ZNF423: variants seen among roughly 807,000 people sequenced by gnomAD.
ZNF423 encodes the protein zinc finger protein 423, also known as Ebf-associated zinc finger protein.
In ZNF423, 12 loss-of-function variants were observed where a neutral mutation model predicts 95.8. The ratio of observed to expected loss-of-function variants is 0.13; its 90% CI spans 0.08 to 0.20. The LOEUF is 0.20. Among genes scored for constraint, ZNF423 ranks in the 10% least tolerant of loss-of-function variants. The pLI is 1.00. For synonymous variants in ZNF423, 749 were observed against 711.9 expected, an observed-to-expected ratio of 1.05 and a Z score of -0.83; for missense variants, 1,316 against 1,737.1, an observed-to-expected ratio of 0.76 and a Z score of 4.31.
chr16:49,562,747 C>T (rs1353926431), intron 5 of ZNF423, among the ~76,000 whole-genome samples: 3 of 152,076 alleles, frequency 2.0e-5, no homozygotes, highest in Admixed American at 6.5e-5. Context: ...AAATAGCCAA[C>T]GTTCATTGGG....
chr16:49,850,515 GATATCTTCTGCAA>G (rs1319230598), intron 1 of ZNF423, among the ~76,000 whole-genome samples: 2 of 152,198 alleles, frequency 1.3e-5, no homozygotes, highest in Admixed American at 6.5e-5. Context: ...AAGGAACCCT[GATATCTTCTGCAA>G]ATGTTTTCAA....
At chr16:49,722,447 C>A (rs886614495) in intron 3 of ZNF423, among the ~76,000 whole-genome samples, 1 of 152,242 alleles carries the variant, frequency 6.6e-6, no homozygotes, top group Non-Finnish European at 1.5e-5. Context: ...GTGAAGTGAA[C>A]ACCTTCTCCA....
At chr16:49,629,859 T>C (rs950000342) in intron 4 of ZNF423, among the ~76,000 whole-genome samples, 1 of 152,222 alleles carries the variant, frequency 6.6e-6, no homozygotes, top group Admixed American at 6.5e-5. Context: ...AGCGCAGGCC[T>C]TACCTAGAGT....
rs4785357 is a variant in ZNF423, at chr16:49,799,025, G to A, written c.41-9479C>T. 9.6e-3 allele frequency among the ~76,000 whole-genome samples: 1,461 copies of A among 152,308 alleles called. 17 individuals are homozygous for A. The highest frequency in any genetic ancestry group is 0.033 in the African/African-American group (1,356 of 41,556). On this transcript the variant is annotated intron_variant, in intron 1 of 7. Coordinates refer to ENST00000563137, the MANE Select transcript of ZNF423 (RefSeq NM_001379286.1). ...AGAGCTCATCTAGCTATGGCTGTGA[G>A]GTAGAGGAGGGAACCTGGAGAGACA...
intron 5 of ZNF423, among the ~76,000 whole-genome samples, chr16:49,567,527 C>T (rs1193152731): frequency 1.3e-5 from 2 of 152,174 alleles, no homozygotes; most frequent in African/African-American, 4.8e-5. Context: ...CCTGCCATCT[C>T]GGTCGCCGTT....
At chr16:49,521,566 A>G (rs1239848006) in intron 7 of ZNF423, among the ~76,000 whole-genome samples, 1 of 152,166 alleles carries the variant, frequency 6.6e-6, no homozygotes, top group Non-Finnish European at 1.5e-5. Flanking sequence ...CAATGGGGAG[A>G]CAGCAGTGGC....
Position 49,491,160 on chromosome 16 carries a change from A to C in ZNF423, c.*115T>G. 2 of 1,253,234 alleles carry C rather than the reference A, an allele frequency of 1.6e-6. No individual in the cohort carries two copies. Among genetic ancestry groups the C allele is most frequent in the Non-Finnish European group, 2.3e-6 (2 of 854,910 alleles). 77.6% of individuals were successfully genotyped at this position (1,253,234 alleles called of 1,614,324 possible). ...AGCAGCGCCTCATGGCCAAATCATTAGAGTTTTACATCTGGGTTGCAAATG... is the reference window on the plus strand; with the variant it reads ...AGCAGCGCCTCATGGCCAAATCATTCGAGTTTTACATCTGGGTTGCAAATG... On this transcript the variant is annotated 3_prime_UTR_variant, in exon 8 of 8. Transcript: ENST00000563137.
chr16:49,640,672 T>C (rs1972944832), intron 3 of ZNF423: 1 of 146,676 alleles, frequency 6.8e-6, no homozygotes, highest in Non-Finnish European at 1.5e-5. Flanking sequence ...CCGGGATGCA[T>C]GCGGCTCTCC....
At chr16:49,733,081 G>A (rs1365623592) in intron 2 of ZNF423, among the ~76,000 whole-genome samples, 1 of 152,212 alleles carries the variant, frequency 6.6e-6, no homozygotes, top group East Asian at 1.9e-4. Flanking sequence ...CCGCTGCAGT[G>A]AGGGTAAGAA....
At chr16:49,653,906 A>C (rs1374402709) in intron 3 of ZNF423, among the ~76,000 whole-genome samples, 3 of 152,142 alleles carry the variant, frequency 2.0e-5, no homozygotes, top group Non-Finnish European at 4.4e-5. Flanking sequence ...GGGCATTGTC[A>C]TAGTGAACCA....
intron 3 of ZNF423, among the ~76,000 whole-genome samples, chr16:49,670,840 C>A (rs1045946844): frequency 6.6e-6 from 1 of 152,158 alleles, no homozygotes; most frequent in African/African-American, 2.4e-5. Flanking sequence ...CGGCTTGAGG[C>A]GAGACGTTTA....
intron 3 of ZNF423, among the ~76,000 whole-genome samples, chr16:49,647,719 G>A (rs1296925251): frequency 2.0e-5 from 3 of 152,198 alleles, no homozygotes; most frequent in African/African-American, 4.8e-5. Flanking sequence ...AAAGGAATGC[G>A]GCCCTGCCAA....
chr16:49,783,292 G>A (rs2034245376), intron 2 of ZNF423, among the ~76,000 whole-genome samples: 1 of 151,274 alleles, frequency 6.6e-6, no homozygotes, highest in Non-Finnish European at 1.5e-5. Flanking sequence ...GTTAGAGTTA[G>A]GATTAGTGCC....
intron 3 of ZNF423, among the ~76,000 whole-genome samples, chr16:49,659,129 C>T (rs1382218441): frequency 6.6e-6 from 1 of 152,204 alleles, no homozygotes; most frequent in African/African-American, 2.4e-5. Context: ...CACTCTGTCG[C>T]CCAGGCTGCA....
chr16:49,801,331 G>A (rs2034580254), intron 1 of ZNF423, among the ~76,000 whole-genome samples: 2 of 152,212 alleles, frequency 1.3e-5, no homozygotes, highest in South Asian at 4.1e-4. Context: ...GCTCCTGCCT[G>A]AAAGTCAGGG....
At chr16:49,795,079 C>A (rs2034477081) in intron 1 of ZNF423, among the ~76,000 whole-genome samples, 1 of 152,132 alleles carries the variant, frequency 6.6e-6, no homozygotes, top group Non-Finnish European at 1.5e-5. Context: ...ACCATGTTAG[C>A]CAGGCTGGTC....
intron 2 of ZNF423, among the ~76,000 whole-genome samples, chr16:49,783,126 C>A (rs2034240989): frequency 6.6e-6 from 1 of 152,138 alleles, no homozygotes; most frequent in South Asian, 2.1e-4. Context: ...ACTTAGAGAC[C>A]TCATTCCAAA....
At chr16:49,789,347 G>A in intron 2 of ZNF423, 140 bp downstream of exon 2, 1 of 686,084 alleles carries the variant, frequency 1.5e-6, no homozygotes, top group Non-Finnish European at 2.4e-6. Context: ...TAAAAATCGT[G>A]TTGCATGGGG....
At chr16:49,712,676 C>G (rs989820180) in intron 3 of ZNF423, among the ~76,000 whole-genome samples, 2 of 152,384 alleles carry the variant, frequency 1.3e-5, no homozygotes, top group African/African-American at 2.4e-5. Context: ...GCCACATCAC[C>G]TTGCCCTGCA....
Sources: allele counts gnomAD v4.1 joint callset (sites outside exome capture counted in the v4.1 genomes callset), GRCh38; gene constraint gnomAD v4.1.1; transcripts MANE v1.5; gene names NCBI Gene and HGNC (gene_info 2026-07-23, HGNC 2026-07-21).